The following UBE2T variants were observed in gnomAD, a reference collection of about 807,000 sequenced individuals.
The protein encoded by UBE2T is ubiquitin conjugating enzyme E2 T, also known as ubiquitin-conjugating enzyme E2 T.
Under a neutral mutation model 23.3 loss-of-function variants are expected in UBE2T, and 15 were observed. The ratio of observed to expected loss-of-function variants is 0.64; its 90% confidence interval spans 0.43 to 0.99. The LOEUF (loss-of-function observed/expected upper bound fraction) is 0.99, where lower values mean the gene tolerates loss of function less well. Among genes scored for constraint, UBE2T ranks in the 50% least tolerant of loss-of-function variants. The pLI, the probability that UBE2T is intolerant of heterozygous loss-of-function variation, is 0.00. For missense variants in UBE2T, 197 were observed against 234.9 expected (o/e 0.84, Z 1.05); for synonymous variants, 67 against 78.4 (o/e 0.85, Z 0.77).
chr1:202,337,331 T>G (rs911407084), intron 1 of UBE2T, among the ~76,000 whole-genome samples: 1 of 152,220 alleles, frequency 6.6e-6, no homozygotes, highest in East Asian at 1.9e-4. Flanking sequence ...ACACATACTC[T>G]TAACATAATC....
At chr1:202,333,620 A>G in intron 3 of UBE2T, 65 bp from the exon 4 acceptor site, 1 of 1,419,236 alleles carries the variant, frequency 7.0e-7, no homozygotes, top group Non-Finnish European at 9.7e-7. Context: ...ACATTTAAAT[A>G]GTTTCTTGGT....
chr1:202,339,378 T>C (rs1383504344), intron 1 of UBE2T, among the ~76,000 whole-genome samples: 2 of 152,082 alleles, frequency 1.3e-5, no homozygotes, highest in African/African-American at 2.4e-5. Context: ...TAACACTGTT[T>C]ATCTGTGCCA....
chr1:202,337,850 G>C (rs1399847542), intron 1 of UBE2T, among the ~76,000 whole-genome samples: 1 of 152,118 alleles, frequency 6.6e-6, no homozygotes, highest in Non-Finnish European at 1.5e-5. Context: ...GGAATGACTT[G>C]ATTATTCTTG....
Position 202,331,744 on chromosome 1 carries a change from C to T in UBE2T, c.*91G>A, listed in dbSNP as rs1168186925. 3 of 1,481,022 alleles carry T rather than the reference C, an allele frequency of 2.0e-6. No homozygotes were observed. In the Admixed American group the frequency reaches 6.0e-5, roughly 30 times the overall value. 91.7% of individuals were successfully genotyped at this position (1,481,022 alleles called of 1,614,324 possible). A position where few individuals can be genotyped will look rare whatever the true frequency, so the allele number is the denominator to read the frequency against. The stretch of plus-strand genomic sequence containing the variant: ...TAAATAAACTACACAAAAATTATGT[C>T]ATCAAATATATTTAAAAAAAAATTC... On this transcript the variant is annotated 3_prime_UTR_variant, in exon 7 of 7. Transcript: ENST00000646651.
At chr1:202,333,845 G>A (rs1010086093) in intron 3 of UBE2T, among the ~76,000 whole-genome samples, 3 of 151,752 alleles carry the variant, frequency 2.0e-5, no homozygotes, top group Admixed American at 6.6e-5. Context: ...CCATATAAAT[G>A]CAATACTATT....
rs533080398 is a variant in UBE2T, at chr1:202,332,971, A to G, written c.468+39T>C. On this transcript the variant is annotated intron_variant, in intron 6 of 6. Transcript: ENST00000646651. ...TTTATACATATATACTTTATACTAT[A>G]TATACTTAATTAACTGACAATAGTA... 130 of 1,213,596 alleles carry G rather than the reference A, an allele frequency of 1.1e-4. 1 individual carries two copies. In the South Asian group the frequency reaches 1.5e-3, roughly 14 times the overall value. The allele number at this position is 1,213,596 out of a possible 1,614,324, so 75.2% of individuals were successfully genotyped here.
chr1:202,340,319 G>A (rs201714193), intron 1 of UBE2T, among the ~76,000 whole-genome samples: 1 of 151,890 alleles, frequency 6.6e-6, no homozygotes, highest in South Asian at 2.1e-4. Flanking sequence ...TTTGAGACCA[G>A]CCTGGCCAAC....
rs563454364 is a variant in UBE2T, at chr1:202,335,915, C to T, written c.-64-97G>A. ...ATGTAGTGAGGGTGGGGGACAGAGTCCTCTTTTTTGTTTTGAGACACAGTT... is the reference window on the plus strand; with the variant it reads ...ATGTAGTGAGGGTGGGGGACAGAGTTCTCTTTTTTGTTTTGAGACACAGTT... On this transcript the variant is annotated intron_variant, in intron 1 of 6. Transcript: ENST00000646651. This position sits in a 1 kb window ranked among gnomAD's most constrained non-coding sequence, Gnocchi z 4.0. The T allele has an allele frequency of 2.7e-5, 16 of 601,748 alleles. No homozygotes were observed. In the African/African-American group the frequency reaches 2.8e-4, roughly 10 times the overall value. The allele number at this position is 601,748 out of a possible 1,614,324, so 37.3% of individuals were successfully genotyped here.
intron 1 of UBE2T, among the ~76,000 whole-genome samples, chr1:202,338,296 C>T (rs185263021): frequency 2.1e-4 from 32 of 151,244 alleles, no homozygotes; most frequent in Non-Finnish European, 3.7e-4. Flanking sequence ...CTTGGCTCAC[C>T]GCAATCTCCA....
At chr1:202,337,016 T>C (rs1654900530) in intron 1 of UBE2T, among the ~76,000 whole-genome samples, 1 of 152,178 alleles carries the variant, frequency 6.6e-6, no homozygotes, top group South Asian at 2.1e-4. Context: ...CGATCTCGGC[T>C]CACTGCAACC....
rs1420112180 is a variant in UBE2T, at chr1:202,335,959, TGGA to T, written c.-64-144_-64-142del. 1.8e-6 allele frequency: 1 copy of T among 541,984 alleles called. No individual in the cohort carries two copies. Among genetic ancestry groups the T allele is most frequent in the African/African-American group, 1.9e-5 (1 of 53,028 alleles). The allele number at this position is 541,984 out of a possible 1,614,324, so 33.6% of individuals were successfully genotyped here. ...CACAGTTTCACTCTGTCACCCAGAC[TGGA>T]GGGCAGTGACACCATCTCAGCTCAC... On this transcript the variant is annotated intron_variant, in intron 1 of 6. Coordinates refer to ENST00000646651, the MANE Select transcript of UBE2T (RefSeq NM_014176.4). The surrounding 1 kb of genome is among the most constrained non-coding windows in gnomAD (Gnocchi z 4.0).
chr1:202,334,727 A>G (rs1213307320), intron 3 of UBE2T, among the ~76,000 whole-genome samples: 1 of 152,214 alleles, frequency 6.6e-6, no homozygotes, highest in Non-Finnish European at 1.5e-5. Flanking sequence ...ACTGAACTGT[A>G]CACTTAAAAA....
intron 6 of UBE2T, 25 bp from the exon 7 acceptor site, chr1:202,331,985 CAGTA>C (rs1654762653): frequency 1.4e-5 from 23 of 1,611,946 alleles, no homozygotes; most frequent in Admixed American, 3.3e-5. Flanking sequence ...GGGTGAAACA[CAGTA>C]AGGTTCACAC....
At position 202,331,825 on chromosome 1, in the gene UBE2T, G is replaced by A. The variant is rs1397308842; in HGVS notation, c.*10C>T. 6.2e-7 allele frequency: 1 copy of A among 1,613,828 alleles called. No individual in the cohort carries two copies. The highest frequency in any genetic ancestry group is 1.3e-5 in the African/African-American group (1 of 74,898). Reference sequence around the variant, plus strand: ...GAACACATTAACTAAGATGAACCAGGACAAGTCCCCTAAACATCAGGATGA... The same window carrying A: ...GAACACATTAACTAAGATGAACCAGAACAAGTCCCCTAAACATCAGGATGA... On this transcript the variant is annotated 3_prime_UTR_variant, in exon 7 of 7. Transcript: ENST00000646651.
chr1:202,333,413 A>G, intron 4 of UBE2T, 37 bp downstream of exon 4: 1 of 1,613,168 alleles, frequency 6.2e-7, no homozygotes. Flanking sequence ...TGAAGAAAAC[A>G]GAATGCTGTA....
intron 6 of UBE2T, among the ~76,000 whole-genome samples, chr1:202,332,612 A>G (rs2148338959): frequency 6.6e-6 from 1 of 152,140 alleles, no homozygotes; most frequent in Non-Finnish European, 1.5e-5. Flanking sequence ...TGGCAAATCT[A>G]AAAAACATTA....
At chr1:202,340,395 T>A (rs1219207325) in intron 1 of UBE2T, among the ~76,000 whole-genome samples, 1 of 151,022 alleles carries the variant, frequency 6.6e-6, no homozygotes, top group Non-Finnish European at 1.5e-5. Context: ...ACGCCTGTAA[T>A]CCCAGCTACT....
chr1:202,335,530 A>T lies in UBE2T; in HGVS notation c.109+116T>A. On this transcript the variant is annotated intron_variant, in intron 2 of 6. Transcript: ENST00000646651. The surrounding 1 kb of genome is among the most constrained non-coding windows in gnomAD (Gnocchi z 4.0). ...AAACAAATTTGGGTAGAAAGATGGT[A>T]GGGCACTCTGACCTTATAACTGCTC... 1 of 948,596 alleles carries T rather than the reference A, an allele frequency of 1.1e-6. No homozygotes were observed. The highest frequency in any genetic ancestry group is 1.6e-6 in the Non-Finnish European group (1 of 628,630). The allele number at this position is 948,596 out of a possible 1,614,324, so 58.8% of individuals were successfully genotyped here. A position where few individuals can be genotyped will look rare whatever the true frequency, so the allele number is the denominator to read the frequency against.
intron 1 of UBE2T, among the ~76,000 whole-genome samples, chr1:202,337,739 C>T (rs1478079147): frequency 6.6e-6 from 1 of 152,026 alleles, no homozygotes; most frequent in African/African-American, 2.4e-5. Context: ...TAAATTTTTT[C>T]CCAGCTTTAC....
Sources: allele counts gnomAD v4.1 joint callset (sites outside exome capture counted in the v4.1 genomes callset), GRCh38; gene constraint gnomAD v4.1.1; non-coding constraint Gnocchi (gnomAD v3.1); transcripts MANE v1.5; gene names NCBI Gene and HGNC (gene_info 2026-07-23, HGNC 2026-07-21).